ZEB1: variants seen among roughly 807,000 people sequenced by gnomAD.
ZEB1 encodes the protein zinc finger E-box binding homeobox 1.
ZEB1 carries 21 observed loss-of-function variants against 84.9 expected under a neutral mutation model. The ratio of observed to expected loss-of-function variants is 0.25; its 90% CI spans 0.18 to 0.36. The LOEUF (loss-of-function observed/expected upper bound fraction) is 0.36. Ranked by LOEUF, ZEB1 falls within the 10% of genes least tolerant of loss-of-function variation. ZEB1 has a pLI of 1.00. For synonymous variants in ZEB1, 420 were observed against 471.1 expected, an observed-to-expected ratio of 0.89 and a Z score of 1.41; for missense variants, 1,104 against 1,330.2, an observed-to-expected ratio of 0.83 and a Z score of 2.65.
At chr10:31,433,828 G>A (rs1446141247) in intron 1 of ZEB1, among the ~76,000 whole-genome samples, 1 of 152,194 alleles carries the variant, frequency 6.6e-6, no homozygotes, top group African/African-American at 2.4e-5. Context: ...GATGCCAACA[G>A]TTTGACCTAC....
chr10:31,333,280 A>G (rs2037202709), intron 1 of ZEB1, among the ~76,000 whole-genome samples: 1 of 152,112 alleles, frequency 6.6e-6, no homozygotes, highest in African/African-American at 2.4e-5. Flanking sequence ...TATATCTTTA[A>G]TGTAAAGTCA....
At chr10:31,402,177 AAGG>A (rs1214371658) in intron 1 of ZEB1, among the ~76,000 whole-genome samples, 5 of 152,034 alleles carry the variant, frequency 3.3e-5, no homozygotes, top group Non-Finnish European at 7.4e-5. Context: ...AAGAAAGGCC[AAGG>A]AGGAGGACAT....
chr10:31,487,927 T>C (rs1487367252), intron 2 of ZEB1, among the ~76,000 whole-genome samples: 1 of 151,434 alleles, frequency 6.6e-6, no homozygotes, highest in Non-Finnish European at 1.5e-5. Flanking sequence ...CACTAATCAA[T>C]TTCAAATATT....
rs77233692 is a variant in ZEB1 at position 31,331,790 on chromosome 10, A to G, written c.58+12498A>G. Among the ~76,000 whole-genome samples the G allele has an allele frequency of 4.7e-3, 717 of 152,312 alleles. 11 individuals are homozygous for G. Among genetic ancestry groups the G allele is most frequent in the African/African-American group, 0.016 (684 of 41,552 alleles). ...ATGCACACACATATTGTGGGACTCA[A>G]GTCACGTTTGGTAAAACTGTAGGGT... On this transcript the variant is annotated intron_variant, in intron 1 of 8. Transcript: ENST00000424869.
intron 1 of ZEB1, among the ~76,000 whole-genome samples, chr10:31,413,395 G>A (rs2054643365): frequency 6.6e-6 from 1 of 152,126 alleles, no homozygotes; most frequent in Admixed American, 6.5e-5. Context: ...GGAGTTTTAG[G>A]TATTGTGTAG....
At chr10:31,430,841 T>C (rs1019219591) in intron 1 of ZEB1, among the ~76,000 whole-genome samples, 1 of 152,238 alleles carries the variant, frequency 6.6e-6, no homozygotes, top group Non-Finnish European at 1.5e-5. Flanking sequence ...CTTTAGAAGC[T>C]AGTGTAATAT....
At chr10:31,406,393 G>A (rs1043213955) in intron 1 of ZEB1, among the ~76,000 whole-genome samples, 1 of 151,270 alleles carries the variant, frequency 6.6e-6, no homozygotes, top group East Asian at 1.9e-4. Context: ...ATTCTAACTA[G>A]CATGATGATA....
At chr10:31,344,810 T>C (rs559376694) in intron 1 of ZEB1, among the ~76,000 whole-genome samples, 2 of 152,248 alleles carry the variant, frequency 1.3e-5, no homozygotes, top group African/African-American at 2.4e-5. Flanking sequence ...TTTGAACATA[T>C]TAAGGTGGAC....
chr10:31,443,304 G>C (rs979915676), intron 1 of ZEB1, among the ~76,000 whole-genome samples: 1 of 151,468 alleles, frequency 6.6e-6, no homozygotes, highest in Non-Finnish European at 1.5e-5. Context: ...ACAATTTGTC[G>C]TTTGTCTTTT....
intron 1 of ZEB1, among the ~76,000 whole-genome samples, chr10:31,327,108 T>G: frequency 7.0e-6 from 1 of 143,654 alleles, no homozygotes; most frequent in Admixed American, 6.9e-5. Flanking sequence ...TCTTTTTTTT[T>G]TTTTTTTTTT....
intron 1 of ZEB1, among the ~76,000 whole-genome samples, chr10:31,382,626 G>A (rs1040523867): frequency 1.3e-5 from 2 of 152,014 alleles, no homozygotes; most frequent in Non-Finnish European, 2.9e-5. Context: ...AAAAGAAAAG[G>A]TAACAGAGAG....
intron 1 of ZEB1, among the ~76,000 whole-genome samples, chr10:31,449,772 T>A (rs1020410087): frequency 6.6e-6 from 1 of 152,180 alleles, no homozygotes; most frequent in Non-Finnish European, 1.5e-5. Context: ...TTTTCTGAAT[T>A]TTCCTGAGTA....
intron 2 of ZEB1, among the ~76,000 whole-genome samples, chr10:31,487,761 T>C (rs1306683562): frequency 6.6e-6 from 1 of 151,366 alleles, no homozygotes; most frequent in East Asian, 1.9e-4. Flanking sequence ...GTAGGTTTCT[T>C]GTAGATACGC....
At chr10:31,497,969 A>ATAGATAGATAGATAGC (rs1554910970) in intron 3 of ZEB1, among the ~76,000 whole-genome samples, 1 of 150,856 alleles carries the variant, frequency 6.6e-6, no homozygotes, top group African/African-American at 2.5e-5. Context: ...AGATAGATAG[A>ATAGATAGATAGATAGC]TAGATTTAAA....
chr10:31,397,156 TTTTTTATTA>T (rs1380171307), intron 1 of ZEB1, among the ~76,000 whole-genome samples: 3 of 118,692 alleles, frequency 2.5e-5, no homozygotes, highest in African/African-American at 6.3e-5. Context: ...TCATCTTGGG[TTTTTTATTA>T]TTATTATTAT....
chr10:31,411,102 A>G (rs765365006), intron 1 of ZEB1, among the ~76,000 whole-genome samples: 3 of 152,098 alleles, frequency 2.0e-5, no homozygotes, highest in Non-Finnish European at 4.4e-5. Context: ...TCTAAAATCA[A>G]CCACATAGTT....
intron 1 of ZEB1, among the ~76,000 whole-genome samples, chr10:31,453,592 T>C (rs992578796): frequency 2.0e-5 from 3 of 151,870 alleles, no homozygotes; most frequent in African/African-American, 7.3e-5. Flanking sequence ...AATCATGTGC[T>C]AAAAATAATA....
chr10:31,449,413 C>G (rs147189025), intron 1 of ZEB1, among the ~76,000 whole-genome samples: 1 of 152,218 alleles, frequency 6.6e-6, no homozygotes, highest in African/African-American at 2.4e-5. Flanking sequence ...GGAGCTGTTC[C>G]TATTCGGCCA....
Position 31,527,297 on chromosome 10 carries a change from G to A in ZEB1, c.*33G>A. On this transcript the variant is annotated 3_prime_UTR_variant, in exon 9 of 9. Transcript: ENST00000424869. ...TCTAGAAGGAAAATAAATTCTAATT[G>A]ATAATGAATTTCGTTCAATATTATC... 6.4e-7 allele frequency: 1 copy of A among 1,569,796 alleles called. No individual in the cohort carries two copies. The highest frequency in any genetic ancestry group is 8.6e-7 in the Non-Finnish European group (1 of 1,161,612).
Sources: gnomAD v4.1 joint callset for allele counts (sites outside exome capture counted in the v4.1 genomes callset) on GRCh38, gnomAD v4.1.1 for gene constraint, MANE v1.5 for transcripts, NCBI Gene and HGNC (gene_info 2026-07-23, HGNC 2026-07-21) for gene names.